PKP1: variants seen among roughly 807,000 people sequenced by gnomAD.
PKP1 encodes plakophilin 1.
Under a neutral mutation model 76.4 loss-of-function variants are expected in PKP1, and 27 were observed. The ratio of observed to expected loss-of-function variants is 0.35; its 90% confidence interval spans 0.26 to 0.49. PKP1 has a LOEUF of 0.49. Among genes scored for constraint, PKP1 ranks in the 20% least tolerant of loss-of-function variants. The pLI is 0.99. For missense variants in PKP1, 964 were observed against 955.2 expected, an observed-to-expected ratio of 1.01 and a Z score of -0.12; for synonymous variants, 404 against 384.2, an observed-to-expected ratio of 1.05 and a Z score of -0.60.
chr1:201,304,365 G>A (rs998575028), intron 2 of PKP1, among the ~76,000 whole-genome samples: 4 of 152,284 alleles, frequency 2.6e-5, no homozygotes, highest in Admixed American at 1.3e-4. Context: ...GTACCACTAA[G>A]GGTGGCTGGA....
chr1:201,286,293 C>A (rs1187153241), intron 1 of PKP1, among the ~76,000 whole-genome samples: 1 of 152,148 alleles, frequency 6.6e-6, no homozygotes, highest in African/African-American at 2.4e-5. Flanking sequence ...AGTCAGTTTA[C>A]CTAGGGTCTT....
At position 201,330,657 on chromosome 1, in the gene PKP1, A is replaced by C. The variant is rs2365648; in HGVS notation, c.*616A>C. The stretch of plus-strand genomic sequence containing the variant: ...TAACTGGGGCTGGGCCAGCCTCCCC[A>C]CTTACAAGGCTGCTTTCCAGGAAGG... On this transcript the variant is annotated 3_prime_UTR_variant, in exon 14 of 14. Transcript: ENST00000367324. 0.79 allele frequency: 120,652 copies of C among 152,122 alleles called. 49,361 individuals are homozygous for C. Among genetic ancestry groups the C allele is most frequent in the East Asian group, 0.91 (4,713 of 5,162 alleles). The allele number at this position is 152,122 out of a possible 1,614,324, so 9.4% of individuals were successfully genotyped here. A position where few individuals can be genotyped will look rare whatever the true frequency, so the allele number is the denominator to read the frequency against.
At chr1:201,292,868 G>C (rs1274999144) in intron 1 of PKP1, among the ~76,000 whole-genome samples, 1 of 152,212 alleles carries the variant, frequency 6.6e-6, no homozygotes, top group African/African-American at 2.4e-5. Flanking sequence ...GCTCTTCGTG[G>C]AGCTCCCAGT....
intron 2 of PKP1, among the ~76,000 whole-genome samples, chr1:201,303,962 C>T (rs1029951964): frequency 5.3e-5 from 8 of 152,178 alleles, no homozygotes; most frequent in Non-Finnish European, 1.2e-4. Flanking sequence ...CCTGGCTGAA[C>T]ACTTTTTTAA....
At position 201,313,468 on chromosome 1, in the gene PKP1, G is replaced by T. The variant is rs148914791; in HGVS notation, c.609G>T (p.Pro203=). 5.0e-6 allele frequency: 8 copies of T among 1,612,658 alleles called. No homozygotes were observed. The highest frequency in any genetic ancestry group is 3.3e-5 in the South Asian group (3 of 90,520). Residue 203 remains proline (P), a synonymous_variant, in exon 3 of 14, where the codon CCG becomes CCT. Transcript: ENST00000367324. ...CCATAAAGAAGTGCCCTGTGCGCCC[G>T]CCCTCTTGTGCCTCCAAGCAGGACC... is the stretch of plus-strand genomic sequence containing the variant. ...QKAIKKCPVR[P]PSCASKQDPV...
In PKP1 at chr1:201,330,380, T is replaced by C. The variant is rs1286871898; in HGVS notation, c.*339T>C. On this transcript the variant is annotated 3_prime_UTR_variant, in exon 14 of 14. Coordinates refer to ENST00000367324, the MANE Select transcript of PKP1 (RefSeq NM_001005337.3). ...GTGCATGCATGTGCGCGTGCATGTG[T>C]GTGTGTGTGAGTGTCTTAAAGCATA... The C allele has an allele frequency of 2.0e-5, 3 of 152,284 alleles. No homozygotes were observed. Among genetic ancestry groups the C allele is most frequent in the African/African-American group, 7.2e-5 (3 of 41,428 alleles). 9.4% of individuals were successfully genotyped at this position (152,284 alleles called of 1,614,324 possible). A position where few individuals can be genotyped will look rare whatever the true frequency, so the allele number is the denominator to read the frequency against.
intron 1 of PKP1, among the ~76,000 whole-genome samples, 158 bp downstream of exon 1, chr1:201,284,062 C>A (rs1377627046): frequency 1.3e-5 from 2 of 150,348 alleles, no homozygotes; most frequent in African/African-American, 5.0e-5. Flanking sequence ...CAGCCGAGCT[C>A]CCAGCCGGTT....
At chr1:201,296,170 A>C (rs1392162636) in intron 2 of PKP1, among the ~76,000 whole-genome samples, 1 of 152,230 alleles carries the variant, frequency 6.6e-6, no homozygotes, top group Non-Finnish European at 1.5e-5. Flanking sequence ...GGAAGAGGGA[A>C]GAACTGAGCA....
chr1:201,302,900 G>C (rs1253628707), intron 2 of PKP1, among the ~76,000 whole-genome samples: 1 of 152,214 alleles, frequency 6.6e-6, no homozygotes, highest in East Asian at 1.9e-4. Flanking sequence ...AGCCTTACAG[G>C]GCATGCTGTG....
chr1:201,293,952 T>G lies in PKP1; in HGVS notation c.213T>G (p.Tyr71Ter). The G allele has an allele frequency of 1.9e-6, 3 of 1,612,472 alleles. No homozygotes were observed. The highest frequency in any genetic ancestry group is 2.5e-6 in the Non-Finnish European group (3 of 1,178,774). The change falls in exon 2 of 14, where the codon TAT becomes TAG. Residue 71 changes from tyrosine to a stop codon, truncating the protein, a stop_gained. Transcript: ENST00000367324. LOFTEE classifies it high-confidence loss of function. ...TCCTTTCTCCTCTAGGTTCCATGTA[T>G]GATGGCTTGGCTGACAATTACAACT... ...TLSHSNRGSM[Y>*]DGLADNYNYG...
intron 2 of PKP1, among the ~76,000 whole-genome samples, chr1:201,295,287 A>G (rs763692245): frequency 1.2e-4 from 19 of 152,130 alleles, no homozygotes; most frequent in Admixed American, 7.9e-4. Flanking sequence ...TTTGGAGGCT[A>G]TGTCTTTCTT....
At chr1:201,314,223 C>G (rs1656657005) in intron 3 of PKP1, among the ~76,000 whole-genome samples, 1 of 152,138 alleles carries the variant, frequency 6.6e-6, no homozygotes, top group Non-Finnish European at 1.5e-5. Flanking sequence ...GAGGCCGAGG[C>G]AGGAGCGGGT....
At chr1:201,319,313 A>G (rs1249258344) in intron 6 of PKP1, among the ~76,000 whole-genome samples, 2 of 152,040 alleles carry the variant, frequency 1.3e-5, no homozygotes, top group East Asian at 3.9e-4. Flanking sequence ...GGCTTGTTCT[A>G]GAAGCAGTGG....
At chr1:201,304,085 A>C (rs974204174) in intron 2 of PKP1, among the ~76,000 whole-genome samples, 1 of 152,168 alleles carries the variant, frequency 6.6e-6, no homozygotes, top group African/African-American at 2.4e-5. Flanking sequence ...GCCAACCTGG[A>C]GAGGGCCCCC....
At position 201,283,924 on chromosome 1, in the gene PKP1, G is replaced by A. The variant is rs780789101; in HGVS notation, c.202+20G>A. On this transcript the variant is annotated intron_variant, in intron 1 of 13. Coordinates refer to ENST00000367324, the MANE Select transcript of PKP1 (RefSeq NM_001005337.3). ...ATCGAGGTAAAGGCTCGGCCCCCGCGTGGTCCGTGCGCCCCTTTCCAGAGC... is the reference window on the plus strand; with the variant it reads ...ATCGAGGTAAAGGCTCGGCCCCCGCATGGTCCGTGCGCCCCTTTCCAGAGC... 2 of 1,609,718 alleles carry A rather than the reference G, an allele frequency of 1.2e-6. No homozygotes were observed. Among genetic ancestry groups the A allele is most frequent in the East Asian group, 2.2e-5 (1 of 44,838 alleles).
chr1:201,318,550 G>A lies in PKP1; in HGVS notation c.1055-68G>A, dbSNP rs896232643. On this transcript the variant is annotated intron_variant, in intron 5 of 13. Transcript: ENST00000367324. ...CCCATTTGCCAGAGTCCAGGCTGGGGCTGTTACCTCGGTCCCTAGGGCATC... is the reference window on the plus strand; with the variant it reads ...CCCATTTGCCAGAGTCCAGGCTGGGACTGTTACCTCGGTCCCTAGGGCATC... 5 of 1,414,240 alleles carry A rather than the reference G, an allele frequency of 3.5e-6. No individual in the cohort carries two copies. The African/African-American group carries it at 5.6e-5, about 16-fold the overall frequency. The allele number at this position is 1,414,240 out of a possible 1,614,324, so 87.6% of individuals were successfully genotyped here.
In PKP1 at chr1:201,313,318, C is replaced by T. The variant is rs764878493; in HGVS notation, c.459C>T (p.Ser153=). ...GCTTCATGCAGAAAATCAAGGCGAG[C>T]CGCAGTGAGCCCGACCTCTACTGTG... is the stretch of plus-strand genomic sequence containing the variant. ...DICFMQKIKA[S]RSEPDLYCDP... Residue 153 remains serine, a synonymous_variant, in exon 3 of 14, where the codon AGC becomes AGT. Transcript: ENST00000367324. The T allele has an allele frequency of 6.3e-7, 1 of 1,594,784 alleles. No homozygotes were observed. The highest frequency in any genetic ancestry group is 8.5e-7 in the Non-Finnish European group (1 of 1,170,792).
chr1:201,286,073 C>T (rs992559098), intron 1 of PKP1, among the ~76,000 whole-genome samples: 1 of 152,216 alleles, frequency 6.6e-6, no homozygotes, highest in African/African-American at 2.4e-5. Flanking sequence ...TCCTTGTCTT[C>T]TCCATCAGAA....
chr1:201,296,989 T>C (rs1656097575), intron 2 of PKP1, among the ~76,000 whole-genome samples: 1 of 152,172 alleles, frequency 6.6e-6, no homozygotes. Context: ...AAAGGATCTG[T>C]AGGCAATTCC....
Sources: allele counts gnomAD v4.1 joint callset (sites outside exome capture counted in the v4.1 genomes callset), GRCh38; gene constraint gnomAD v4.1.1; transcripts MANE v1.5; gene names NCBI Gene and HGNC (gene_info 2026-07-23, HGNC 2026-07-21).